The following SUPT3H variants were observed in gnomAD, a reference collection of about 807,000 sequenced individuals.
The protein encoded by SUPT3H is SPT3 homolog, SAGA and STAGA complex component.
A neutral mutation model predicts 44.3 loss-of-function variants in SUPT3H; 44 were observed. The observed-to-expected ratio is 0.99, with a 90% CI of 0.78 to 1.28. SUPT3H has a LOEUF of 1.28. Among genes scored for constraint, SUPT3H ranks in the 50% most tolerant of loss-of-function variants. The probability of loss-of-function intolerance (pLI) is 0.00; values close to 1 mark genes in which losing one functional copy is unlikely to be tolerated. For synonymous variants in SUPT3H, 124 were observed against 125.6 expected (o/e 0.99, Z 0.09); for missense variants, 380 against 387.1 (o/e 0.98, Z 0.15).
intron 3 of SUPT3H, among the ~76,000 whole-genome samples, chr6:45,062,615 A>ACCATGCGCG (rs1792323967): frequency 2.6e-5 from 4 of 152,122 alleles, no homozygotes; most frequent in Non-Finnish European, 5.9e-5. Context: ...CACCATGCGC[A>ACCATGCGCG]AGCCGAAGCA....
At chr6:45,285,177 T>C (rs199900555) in intron 2 of SUPT3H, among the ~76,000 whole-genome samples, 3 of 151,616 alleles carry the variant, frequency 2.0e-5, no homozygotes, top group South Asian at 4.2e-4. Flanking sequence ...CTTTGAAAAC[T>C]GGCACAAGAC....
At chr6:44,949,911 G>A (rs891923297) in intron 9 of SUPT3H, among the ~76,000 whole-genome samples, 1 of 152,134 alleles carries the variant, frequency 6.6e-6, no homozygotes, top group African/African-American at 2.4e-5. Flanking sequence ...CTAACTCTAT[G>A]ACCCAACAAT....
intron 6 of SUPT3H, among the ~76,000 whole-genome samples, chr6:45,001,853 T>G (rs1377878991): frequency 1.3e-5 from 2 of 152,090 alleles, no homozygotes; most frequent in Admixed American, 1.3e-4. Context: ...CAGTTGTGGT[T>G]AACTCTTGAA....
At chr6:45,183,488 A>C (rs2053552663) in intron 2 of SUPT3H, among the ~76,000 whole-genome samples, 1 of 152,248 alleles carries the variant, frequency 6.6e-6, no homozygotes, top group South Asian at 2.1e-4. Context: ...GGTACATCAC[A>C]AGGCAAGAGA....
chr6:45,348,034 T>A (rs1392727589), intron 2 of SUPT3H, among the ~76,000 whole-genome samples: 1 of 152,062 alleles, frequency 6.6e-6, no homozygotes, highest in Non-Finnish European at 1.5e-5. Context: ...TGTACACATG[T>A]GTGGATATGT....
chr6:44,906,761 C>T (rs571830707), intron 10 of SUPT3H, among the ~76,000 whole-genome samples: 2 of 152,138 alleles, frequency 1.3e-5, no homozygotes, highest in African/African-American at 4.8e-5. Context: ...GACTCCGTCT[C>T]AAAAAACAAA....
chr6:45,224,454 T>C (rs1384533873), intron 2 of SUPT3H, among the ~76,000 whole-genome samples: 1 of 152,184 alleles, frequency 6.6e-6, no homozygotes, highest in Non-Finnish European at 1.5e-5. Flanking sequence ...AGCATTTTAG[T>C]ATCAATACAT....
In SUPT3H at chr6:45,014,844, T is replaced by C. The variant is rs747040129; in HGVS notation, c.321A>G (p.Lys107=). ...LLKYMFIRDY[K]SKIVKGIDED... ...CATCGATGCCTTTGACAATCTTTGA[T>C]TTGTAGTCTCGGATAAACATGTATT... Residue 107 remains lysine, a synonymous_variant, in exon 5 of 11, where the codon AAA becomes AAG. Transcript: ENST00000371459. 6.3e-7 allele frequency: 1 copy of C among 1,594,416 alleles called. No homozygotes were observed. Among genetic ancestry groups the C allele is most frequent in the African/African-American group, 1.3e-5 (1 of 74,370 alleles).
At chr6:45,075,179 T>C (rs766095921) in intron 3 of SUPT3H, among the ~76,000 whole-genome samples, 9 of 152,124 alleles carry the variant, frequency 5.9e-5, no homozygotes, top group South Asian at 2.1e-4. Flanking sequence ...ATGAAAACTA[T>C]AATTATAGTA....
At chr6:45,274,295 A>T (rs1315279993) in intron 2 of SUPT3H, among the ~76,000 whole-genome samples, 1 of 152,214 alleles carries the variant, frequency 6.6e-6, no homozygotes, top group Non-Finnish European at 1.5e-5. Context: ...AATTACAATG[A>T]TGTCCAATTT....
chr6:44,896,778 A>C (rs1764188311), intron 10 of SUPT3H, among the ~76,000 whole-genome samples: 1 of 152,202 alleles, frequency 6.6e-6, no homozygotes, highest in Non-Finnish European at 1.5e-5. Flanking sequence ...TATGTTTTAA[A>C]AAAACAGATG....
chr6:45,083,793 C>T (rs956129377), intron 3 of SUPT3H, among the ~76,000 whole-genome samples: 2 of 151,570 alleles, frequency 1.3e-5, no homozygotes, highest in Non-Finnish European at 2.9e-5. Flanking sequence ...TAAAGCCACA[C>T]ATCTACAACC....
chr6:45,294,031 A>G (rs1780725681), intron 2 of SUPT3H, among the ~76,000 whole-genome samples: 1 of 152,098 alleles, frequency 6.6e-6, no homozygotes, highest in African/African-American at 2.4e-5. Context: ...GGACATAACC[A>G]AAAAAAGAAA....
At chr6:45,214,468 C>T (rs139973731) in intron 2 of SUPT3H, among the ~76,000 whole-genome samples, 9 of 151,956 alleles carry the variant, frequency 5.9e-5, no homozygotes, top group African/African-American at 1.9e-4. Context: ...AATACAGAAA[C>T]TTGTATCTAA....
chr6:45,008,822 C>G (rs1395241059), intron 5 of SUPT3H, among the ~76,000 whole-genome samples: 1 of 151,914 alleles, frequency 6.6e-6, no homozygotes, highest in African/African-American at 2.4e-5. Flanking sequence ...CTCACTGCAA[C>G]CTCTGCCTCC....
intron 2 of SUPT3H, among the ~76,000 whole-genome samples, chr6:45,274,487 C>T (rs1057120410): frequency 3.3e-5 from 5 of 152,136 alleles, no homozygotes; most frequent in Admixed American, 1.3e-4. Context: ...TATCTATGTA[C>T]GGCATGAAGA....
At chr6:44,975,378 T>G (rs1317412275) in intron 6 of SUPT3H, among the ~76,000 whole-genome samples, 1 of 152,140 alleles carries the variant, frequency 6.6e-6, no homozygotes, top group Non-Finnish European at 1.5e-5. Flanking sequence ...GGTATATATA[T>G]ACCATGGAAT....
intron 2 of SUPT3H, chr6:45,328,414 G>A (rs757144784): frequency 9.1e-6 from 13 of 1,426,898 alleles, no homozygotes; most frequent in Non-Finnish European, 1.1e-5. Context: ...GTTTTTAAAT[G>A]GTTAATCTCC....
intron 6 of SUPT3H, among the ~76,000 whole-genome samples, chr6:44,986,660 A>T (rs1278662963): frequency 5.9e-5 from 9 of 152,182 alleles, no homozygotes; most frequent in Admixed American, 5.9e-4. Context: ...AAAGGTGGTT[A>T]TTATGAAATT....
Sources: allele counts gnomAD v4.1 joint callset (sites outside exome capture counted in the v4.1 genomes callset), GRCh38; gene constraint gnomAD v4.1.1; transcripts MANE v1.5; gene names NCBI Gene and HGNC (gene_info 2026-07-23, HGNC 2026-07-21).